Variants in STX1B observed in about 807,000 individuals in gnomAD.
STX1B encodes the protein syntaxin-1B.
Under a neutral mutation model 39.4 loss-of-function variants are expected in STX1B, and 7 were observed. That is an observed-to-expected ratio of 0.18 (90% CI 0.10 to 0.33). The LOEUF (loss-of-function observed/expected upper bound fraction) is 0.33. STX1B is among the 10% of genes least tolerant of loss of function. The pLI is 1.00. For missense variants in STX1B, 198 were observed against 383.2 expected (o/e 0.52, Z 4.04); for synonymous variants, 136 against 144.1 (o/e 0.94, Z 0.40).
At chr16:30,999,211 C>T (rs1201088433) in intron 4 of STX1B, among the ~76,000 whole-genome samples, 1 of 152,168 alleles carries the variant, frequency 6.6e-6, no homozygotes, top group Admixed American at 6.6e-5. Context: ...CAGATTCAGA[C>T]AGTTTCCATC....
chr16:31,009,436 A>G (rs952974919), intron 1 of STX1B, among the ~76,000 whole-genome samples: 4 of 151,986 alleles, frequency 2.6e-5, no homozygotes, highest in Non-Finnish European at 5.9e-5. Context: ...CCTTATTAAC[A>G]TAACACCACC....
At chr16:31,002,925 C>T (rs929048232) in intron 1 of STX1B, among the ~76,000 whole-genome samples, 4 of 152,174 alleles carry the variant, frequency 2.6e-5, no homozygotes, top group Admixed American at 1.3e-4. Flanking sequence ...CCCAGCGGAA[C>T]GCAGACAGGG....
intron 1 of STX1B, among the ~76,000 whole-genome samples, chr16:31,008,663 G>A (rs2056666356): frequency 6.6e-6 from 1 of 152,114 alleles, no homozygotes; most frequent in African/African-American, 2.4e-5. Context: ...CTTGCCAGGA[G>A]GTCAGTGGGG....
At chr16:31,009,694 G>A (rs77324863) in intron 1 of STX1B, among the ~76,000 whole-genome samples, 1 of 151,540 alleles carries the variant, frequency 6.6e-6, no homozygotes, top group Non-Finnish European at 1.5e-5. Context: ...TTGACTGCCC[G>A]GGGTGCCCCA....
intron 1 of STX1B, among the ~76,000 whole-genome samples, chr16:31,008,753 C>T (rs565781324): frequency 2.0e-5 from 3 of 152,154 alleles, no homozygotes; most frequent in Admixed American, 6.5e-5. Flanking sequence ...AGCCGGCCTG[C>T]CTGGGTTTGA....
At chr16:31,004,677 TAAA>T (rs36004598) in intron 1 of STX1B, among the ~76,000 whole-genome samples, 13 of 140,912 alleles carry the variant, frequency 9.2e-5, no homozygotes, top group Admixed American at 1.4e-4. Flanking sequence ...CCCCGTTTCT[TAAA>T]AAAAAAAAAA....
intron 1 of STX1B, among the ~76,000 whole-genome samples, chr16:31,004,508 T>C (rs1289974588): frequency 6.6e-6 from 1 of 151,950 alleles, no homozygotes; most frequent in Non-Finnish European, 1.5e-5. Flanking sequence ...ATCATGTCTC[T>C]ACAAAAAATA....
chr16:31,005,453 CT>C (rs1260054267), intron 1 of STX1B, among the ~76,000 whole-genome samples: 9 of 127,314 alleles, frequency 7.1e-5, no homozygotes, highest in Non-Finnish European at 1.2e-4. Flanking sequence ...CTTTGCATTT[CT>C]TTTTTTTTCT....
At position 30,992,615 on chromosome 16, in the gene STX1B, C is replaced by T; in HGVS notation, c.*206G>A. Reference sequence around the variant, plus strand: ...GCATGTTGGTGTGCATGTGTAATCACGCCTGCTGCGATCTACGTGCGGGGA... The same window carrying T: ...GCATGTTGGTGTGCATGTGTAATCATGCCTGCTGCGATCTACGTGCGGGGA... On this transcript the variant is annotated 3_prime_UTR_variant, in exon 10 of 10. Transcript: ENST00000215095. 3.0e-5 allele frequency: 16 copies of T among 529,178 alleles called. No individual in the cohort carries two copies. In the South Asian group the frequency reaches 3.5e-4, roughly 11 times the overall value. 32.8% of individuals were successfully genotyped at this position (529,178 alleles called of 1,614,324 possible). A position where few individuals can be genotyped will look rare whatever the true frequency, so the allele number is the denominator to read the frequency against.
rs2056561523 is a variant in STX1B at position 30,991,951 on chromosome 16, C to T, written c.*870G>A. On this transcript the variant is annotated 3_prime_UTR_variant, in exon 10 of 10. Transcript: ENST00000215095. ...CCTAACACACACACACACGTGCATA[C>T]ACACGCACGCCACACACACACAGCT... 1 of 152,194 alleles carries T rather than the reference C, an allele frequency of 6.6e-6. No individual in the cohort carries two copies. The highest frequency in any genetic ancestry group is 2.4e-5 in the African/African-American group (1 of 41,404). 9.4% of individuals were successfully genotyped at this position (152,194 alleles called of 1,614,324 possible).
rs1054267632 is a variant in STX1B at position 30,993,133 on chromosome 16, C to T, written c.783G>A (p.Arg261=). 6 of 1,614,186 alleles carry T rather than the reference C, an allele frequency of 3.7e-6. No individual in the cohort carries two copies. The highest frequency in any genetic ancestry group is 4.2e-6 in the Non-Finnish European group (5 of 1,180,014). The stretch of plus-strand genomic sequence containing the variant: ...CCAGGCCGCCTGCCCCGCTCACCCT[C>T]CGGGCCTTGCTCTGATATTTCACTG... ...KKAVKYQSKA[R]RKKIMIIICC... The change falls in exon 9 of 10, where the codon CGG becomes CGA. Residue 261 remains arginine, a synonymous_variant. Transcript: ENST00000215095.
At chr16:31,009,622 C>A (rs1342151914) in intron 1 of STX1B, among the ~76,000 whole-genome samples, 1 of 152,054 alleles carries the variant, frequency 6.6e-6, no homozygotes, top group East Asian at 1.9e-4. Context: ...CCAGGGACTG[C>A]CTGGCCAGAC....
intron 4 of STX1B, 134 bp downstream of exon 4, chr16:31,000,794 T>G: frequency 1.2e-6 from 1 of 856,898 alleles, no homozygotes; most frequent in Non-Finnish European, 1.9e-6. Flanking sequence ...AGACAGAGTT[T>G]TGCCATGTTG....
chr16:31,005,889 G>A (rs1419268711), intron 1 of STX1B, among the ~76,000 whole-genome samples: 3 of 152,096 alleles, frequency 2.0e-5, no homozygotes, highest in African/African-American at 7.2e-5. Context: ...ACCTCCTCAG[G>A]GGCCCCCTAA....
chr16:31,010,633 T>C lies in STX1B; in HGVS notation c.-237A>G, dbSNP rs1402816110. 7.7e-6 allele frequency: 1 copy of C among 129,430 alleles called. No individual in the cohort carries two copies. The highest frequency in any genetic ancestry group is 3.0e-5 in the African/African-American group (1 of 33,798). 8.0% of individuals were successfully genotyped at this position (129,430 alleles called of 1,614,324 possible). A position where few individuals can be genotyped will look rare whatever the true frequency, so the allele number is the denominator to read the frequency against. On this transcript the variant is annotated 5_prime_UTR_variant, in exon 1 of 10. Transcript: ENST00000215095. ...GTGGCGATGCGGCTGCGGCACAGGG[T>C]AGGATGGAGGGATGCGGGAGCCGAG...
rs546588609 is a variant in STX1B at position 31,007,294 on chromosome 16, T to C, written c.30+3073A>G. On this transcript the variant is annotated intron_variant, in intron 1 of 9. Transcript: ENST00000215095. ...CGGGGCGGTCCCTCAGCAGCCTTCA[T>C]CCTGTCCAGCCTCAGATTCAGGCTC... Among the ~76,000 whole-genome samples the C allele has an allele frequency of 2.4e-4, 37 of 152,206 alleles. No individual in the cohort carries two copies. The South Asian group carries it at 7.3e-3, about 30-fold the overall frequency.
At position 31,001,214 on chromosome 16, in the gene STX1B, T is replaced by C; in HGVS notation, c.106-21A>G. The stretch of plus-strand genomic sequence containing the variant: ...TCCACCTGGAGCAGAAAATCGGCTA[T>C]ACCCAGCCAAGCTGTCAGGCCAAAC... On this transcript the variant is annotated intron_variant, in intron 2 of 9. Coordinates refer to ENST00000215095, the MANE Select transcript of STX1B (RefSeq NM_052874.5). This position sits in a 1 kb window ranked among gnomAD's most constrained non-coding sequence, Gnocchi z 5.5. 1 of 1,610,918 alleles carries C rather than the reference T, an allele frequency of 6.2e-7. No homozygotes were observed. The highest frequency in any genetic ancestry group is 1.3e-5 in the African/African-American group (1 of 75,030).
chr16:30,997,110 G>T, intron 5 of STX1B, 51 bp from the exon 6 acceptor site: 1 of 1,322,858 alleles, frequency 7.6e-7, no homozygotes, highest in Non-Finnish European at 1.1e-6. Flanking sequence ...TCAGGGATCA[G>T]GGAGGGAGTC....
At chr16:30,994,969 T>TGGTGCTAC (rs370304830) in intron 7 of STX1B, among the ~76,000 whole-genome samples, 1 of 53,344 alleles carries the variant, frequency 1.9e-5, no homozygotes, top group Non-Finnish European at 4.0e-5. Flanking sequence ...TGGAGTGCAG[T>TGGTGCTAC]GGTGCTATCA....
Sources: allele counts gnomAD v4.1 joint callset (sites outside exome capture counted in the v4.1 genomes callset), GRCh38; gene constraint gnomAD v4.1.1; non-coding constraint Gnocchi (gnomAD v3.1); transcripts MANE v1.5; gene names NCBI Gene and HGNC (gene_info 2026-07-23, HGNC 2026-07-21).